The following STT3B variants were observed in gnomAD, a reference collection of about 807,000 sequenced individuals.
STT3B encodes dolichyl-diphosphooligosaccharide--protein glycosyltransferase subunit STT3B.
STT3B carries 29 observed loss-of-function variants against 96.8 expected under a neutral mutation model. The observed-to-expected ratio is 0.30, with a 90% CI of 0.22 to 0.41. The LOEUF (loss-of-function observed/expected upper bound fraction) is 0.41. Ranked by LOEUF, STT3B falls within the 10% of genes least tolerant of loss-of-function variation. The pLI, the probability that STT3B is intolerant of heterozygous loss-of-function variation, is 1.00. For synonymous variants in STT3B, 367 were observed against 360.0 expected (o/e 1.02, Z -0.22); for missense variants, 640 against 1,022.3 (o/e 0.63, Z 5.10).
intron 11 of STT3B, among the ~76,000 whole-genome samples, chr3:31,624,203 G>A (rs750420546): frequency 2.8e-4 from 43 of 151,974 alleles, no homozygotes; most frequent in Non-Finnish European, 5.4e-4. Context: ...TGTGGTGTTC[G>A]TACCCGTTAA....
At chr3:31,542,661 T>C (rs1697309199) in intron 1 of STT3B, among the ~76,000 whole-genome samples, 5 of 152,210 alleles carry the variant, frequency 3.3e-5, no homozygotes, top group Admixed American at 2.6e-4. Flanking sequence ...CAAATTAGGC[T>C]CTATTTGGAT....
rs546608014 is a variant in STT3B at position 31,556,422 on chromosome 3, G to A, written c.315-19974G>A. The stretch of plus-strand genomic sequence containing the variant: ...TTCTCCTTTGGATAAATACCCAGTA[G>A]TGGGGTTGCTGGATTATATGGTAGT... On this transcript the variant is annotated intron_variant, in intron 1 of 15. Transcript: ENST00000295770. Among the ~76,000 whole-genome samples, 3 of 152,278 alleles carry A rather than the reference G, an allele frequency of 2.0e-5. No individual in the cohort carries two copies. The South Asian group carries it at 6.2e-4, about 32-fold the overall frequency.
At chr3:31,598,082 T>C (rs1487277985) in intron 4 of STT3B, among the ~76,000 whole-genome samples, 6 of 151,944 alleles carry the variant, frequency 3.9e-5, no homozygotes, top group Non-Finnish European at 7.4e-5. Context: ...GTGATCTGCC[T>C]GTCTCAGCCT....
At chr3:31,623,281 A>G (rs78237908) in intron 10 of STT3B, among the ~76,000 whole-genome samples, 6,647 of 152,268 alleles carry the variant, frequency 0.044, 379 homozygotes, top group East Asian at 0.32. Context: ...TACATGGTCA[A>G]AATTATAGCT....
At chr3:31,569,647 G>T (rs192018891) in intron 1 of STT3B, among the ~76,000 whole-genome samples, 1 of 152,126 alleles carries the variant, frequency 6.6e-6, no homozygotes, top group South Asian at 2.1e-4. Flanking sequence ...AGTAAAACTT[G>T]CATTGACAGT....
intron 5 of STT3B, among the ~76,000 whole-genome samples, chr3:31,613,159 G>T (rs115764442): frequency 6.6e-6 from 1 of 151,984 alleles, no homozygotes; most frequent in Non-Finnish European, 1.5e-5. Flanking sequence ...AACCTTATGC[G>T]TGTACTCAAT....
chr3:31,633,768 G>A (rs1699709776), intron 15 of STT3B, among the ~76,000 whole-genome samples: 1 of 152,004 alleles, frequency 6.6e-6, no homozygotes, highest in Admixed American at 6.6e-5. Context: ...ATAAAAGATG[G>A]CTAAAAATTA....
At chr3:31,548,942 A>G (rs1459473719) in intron 1 of STT3B, among the ~76,000 whole-genome samples, 1 of 152,230 alleles carries the variant, frequency 6.6e-6, no homozygotes, top group Non-Finnish European at 1.5e-5. Context: ...TATGCAATAC[A>G]CATTACCATG....
Position 31,613,152 on chromosome 3 carries a change from C to G in STT3B, c.878-1953C>G, listed in dbSNP as rs763157779. On this transcript the variant is annotated intron_variant, in intron 5 of 15. Transcript: ENST00000295770. ...TATAGAGGGGTAGTGGTTGCACAACCTTATGCGTGTACTCAATATCCCTGA... is the reference window on the plus strand; with the variant it reads ...TATAGAGGGGTAGTGGTTGCACAACGTTATGCGTGTACTCAATATCCCTGA... Among the ~76,000 whole-genome samples the G allele has an allele frequency of 1.3e-5, 2 of 152,128 alleles. 1 individual carries two copies. Among genetic ancestry groups the G allele is most frequent in the Middle Eastern group, 6.8e-3 (2 of 294 alleles).
At chr3:31,590,639 T>G (rs1698645256) in intron 3 of STT3B, among the ~76,000 whole-genome samples, 1 of 152,070 alleles carries the variant, frequency 6.6e-6, no homozygotes, top group Admixed American at 6.6e-5. Flanking sequence ...CCATACTTTG[T>G]ATAATTTGTC....
intron 5 of STT3B, among the ~76,000 whole-genome samples, chr3:31,601,727 C>G (rs1278334983): frequency 6.6e-6 from 1 of 151,246 alleles, no homozygotes; most frequent in Non-Finnish European, 1.5e-5. Context: ...ACACCAAAAA[C>G]CATTACATGA....
chr3:31,615,987 A>G lies in STT3B; in HGVS notation c.976+784A>G, dbSNP rs951284252. ...TATCTTAGCACTCACCTTTATATTTACTAATGTAGGGGAGAAAAGATTGTT... is the reference window on the plus strand; with the variant it reads ...TATCTTAGCACTCACCTTTATATTTGCTAATGTAGGGGAGAAAAGATTGTT... On this transcript the variant is annotated intron_variant, in intron 6 of 15. Coordinates refer to ENST00000295770, the MANE Select transcript of STT3B (RefSeq NM_178862.3). Among the ~76,000 whole-genome samples the G allele has an allele frequency of 3.9e-5, 6 of 151,978 alleles. No homozygotes were observed. The South Asian group carries it at 1.0e-3, about 26-fold the overall frequency.
intron 3 of STT3B, among the ~76,000 whole-genome samples, chr3:31,594,745 C>G (rs1215892361): frequency 6.6e-6 from 1 of 152,126 alleles, no homozygotes; most frequent in African/African-American, 2.4e-5. Context: ...GATTAATGTG[C>G]TAGATCGGCT....
At chr3:31,560,182 A>G (rs1320855691) in intron 1 of STT3B, among the ~76,000 whole-genome samples, 1 of 152,050 alleles carries the variant, frequency 6.6e-6, no homozygotes, top group African/African-American at 2.4e-5. Flanking sequence ...ATCCATTTAC[A>G]TTCAGGATTA....
intron 5 of STT3B, among the ~76,000 whole-genome samples, chr3:31,611,789 G>T (rs940311495): frequency 1.3e-5 from 2 of 152,124 alleles, no homozygotes; most frequent in African/African-American, 4.8e-5. Context: ...GAGCCATCAT[G>T]CCTGGCCAAG....
chr3:31,613,637 A>G (rs1011329796), intron 5 of STT3B, among the ~76,000 whole-genome samples: 3 of 145,770 alleles, frequency 2.1e-5, no homozygotes, highest in Middle Eastern at 3.5e-3. Context: ...CTCAGTTTTT[A>G]ATTTTCTTTA....
At chr3:31,596,228 C>G (rs1267627212) in intron 3 of STT3B, among the ~76,000 whole-genome samples, 1 of 151,926 alleles carries the variant, frequency 6.6e-6, no homozygotes, top group Admixed American at 6.6e-5. Flanking sequence ...TTATAGCAGT[C>G]TGGGTTCAGT....
intron 1 of STT3B, among the ~76,000 whole-genome samples, chr3:31,536,087 C>A (rs1264880861): frequency 2.0e-5 from 3 of 151,572 alleles, no homozygotes; most frequent in Non-Finnish European, 2.9e-5. Context: ...TTTTTCATGT[C>A]TTTTGAAGAT....
At chr3:31,566,644 C>A (rs1698014700) in intron 1 of STT3B, among the ~76,000 whole-genome samples, 2 of 152,136 alleles carry the variant, frequency 1.3e-5, no homozygotes, top group African/African-American at 4.8e-5. Flanking sequence ...TGGTTACCCC[C>A]ATCCTTAAAG....
Sources: allele counts gnomAD v4.1 joint callset (sites outside exome capture counted in the v4.1 genomes callset), GRCh38; gene constraint gnomAD v4.1.1; transcripts MANE v1.5; gene names NCBI Gene and HGNC (gene_info 2026-07-23, HGNC 2026-07-21).